Variants in MYOZ3 observed in about 807,000 individuals in gnomAD.
The protein encoded by MYOZ3 is myozenin 3.
In MYOZ3, 19 loss-of-function variants were observed where a neutral mutation model predicts 26.5. That is an observed-to-expected ratio of 0.72 (90% CI 0.50 to 1.05). The LOEUF (loss-of-function observed/expected upper bound fraction) is 1.05, where lower values mean the gene tolerates loss of function less well. Ranked by LOEUF, MYOZ3 falls within the 50% of genes least tolerant of loss-of-function variation. The probability of loss-of-function intolerance (pLI) is 0.00; values close to 1 mark genes in which losing one functional copy is unlikely to be tolerated. For synonymous variants in MYOZ3, 135 were observed against 138.8 expected (o/e 0.97, Z 0.19); for missense variants, 322 against 337.1 (o/e 0.96, Z 0.35).
At chr5:150,675,233 T>C (rs78553074) in intron 6 of MYOZ3, among the ~76,000 whole-genome samples, 4 of 131,664 alleles carry the variant, frequency 3.0e-5, no homozygotes, top group African/African-American at 1.3e-4. Flanking sequence ...CGTTTGTGTG[T>C]GTGTGGGGGT....
Position 150,663,473 on chromosome 5 carries a change from G to A in MYOZ3, c.61+471G>A, listed in dbSNP as rs1005285905. On this transcript the variant is annotated intron_variant, in intron 2 of 6. Transcript: ENST00000517768. The stretch of plus-strand genomic sequence containing the variant: ...TGGAGAGAGTGGAGTAGGGTGGGAA[G>A]ACAGGGGAGTCGAGAGAGTGGAGCA... 7.2e-5 allele frequency among the ~76,000 whole-genome samples: 11 copies of A among 152,172 alleles called. 1 individual carries two copies. The highest frequency in any genetic ancestry group is 2.9e-5 in the Non-Finnish European group (2 of 68,042).
chr5:150,667,441 T>C (rs1432510111), intron 2 of MYOZ3, among the ~76,000 whole-genome samples: 1 of 152,128 alleles, frequency 6.6e-6, no homozygotes, highest in East Asian at 1.9e-4. Flanking sequence ...GTGTTTGTGG[T>C]TTTCCTTTCT....
At chr5:150,663,144 T>C in intron 2 of MYOZ3, 142 bp downstream of exon 2, 1 of 657,660 alleles carries the variant, frequency 1.5e-6, no homozygotes. Context: ...CCTGTAGAAT[T>C]TGCTGCCTAG....
At chr5:150,661,908 C>A (rs189933728) in intron 1 of MYOZ3, among the ~76,000 whole-genome samples, 7 of 152,232 alleles carry the variant, frequency 4.6e-5, no homozygotes, top group Admixed American at 4.6e-4. Context: ...ACCCTAAAGC[C>A]CATCCATGGA....
At chr5:150,671,443 G>T in intron 3 of MYOZ3, 154 bp from the exon 4 acceptor site, 1 of 746,186 alleles carries the variant, frequency 1.3e-6, no homozygotes, top group Non-Finnish European at 2.2e-6. Context: ...CAGGCACTGG[G>T]TTTAGCGTTG....
Position 150,677,167 on chromosome 5 carries a change from C to T in MYOZ3, c.*292C>T, listed in dbSNP as rs975465606. The stretch of plus-strand genomic sequence containing the variant: ...GCAACCAGGGCCGGGTGTCGTGGCT[C>T]ACGCCTGTCATCCCAGCACTTTGGG... On this transcript the variant is annotated 3_prime_UTR_variant, in exon 7 of 7. Coordinates refer to ENST00000517768, the MANE Select transcript of MYOZ3 (RefSeq NM_001122853.3). The T allele has an allele frequency of 2.0e-5, 5 of 252,476 alleles. No individual in the cohort carries two copies. Among genetic ancestry groups the T allele is most frequent in the Non-Finnish European group, 3.1e-5 (4 of 130,498 alleles). 15.6% of individuals were successfully genotyped at this position (252,476 alleles called of 1,614,324 possible).
intron 1 of MYOZ3, 21 bp from the exon 2 acceptor site, chr5:150,662,920 A>G (rs1432995191): frequency 6.2e-7 from 1 of 1,607,960 alleles, no homozygotes; most frequent in African/African-American, 1.3e-5. Context: ...TGGTCCATTT[A>G]TGGGGGTCTC....
intron 3 of MYOZ3, chr5:150,670,886 CAAAAAAAA>C (rs61577179): frequency 5.9e-5 from 4 of 67,802 alleles, no homozygotes; most frequent in South Asian, 1.2e-3. Flanking sequence ...TGGCTCCTAC[CAAAAAAAA>C]AAAAAAAAAA....
rs1484230508 is a variant in MYOZ3 at position 150,672,393 on chromosome 5, A to G, written c.478A>G (p.Ile160Val). ...GCCAGAGAAGTTCAACCACACCGCC[A>G]TCTCCAAGGGCTACCGCTGCCCTTG... ...VPPEKFNHTA[I>V]SKGYRCPWQE... The change falls in exon 6 of 7, where the codon ATC (isoleucine) becomes GTC (valine). Residue 160 changes from isoleucine to valine, a missense_variant. Coordinates refer to ENST00000517768, the MANE Select transcript of MYOZ3 (RefSeq NM_001122853.3). The G allele has an allele frequency of 6.2e-7, 1 of 1,613,320 alleles. No homozygotes were observed. The highest frequency in any genetic ancestry group is 8.5e-7 in the Non-Finnish European group (1 of 1,179,784).
chr5:150,661,956 G>A (rs1171726986), intron 1 of MYOZ3, among the ~76,000 whole-genome samples: 2 of 152,192 alleles, frequency 1.3e-5, no homozygotes, highest in Admixed American at 6.5e-5. Flanking sequence ...TGTTACAGAT[G>A]GGGGAACTGA....
intron 1 of MYOZ3, among the ~76,000 whole-genome samples, chr5:150,662,621 G>T (rs1021502166): frequency 3.9e-5 from 6 of 152,284 alleles, no homozygotes; most frequent in African/African-American, 1.4e-4. Context: ...CCACCCGGAT[G>T]CCCCTGGCAC....
Position 150,672,754 on chromosome 5 carries a change from A to G in MYOZ3, c.587+252A>G, listed in dbSNP as rs546391901. 1.7e-5 allele frequency: 8 copies of G among 480,676 alleles called. No individual in the cohort carries two copies. The South Asian group carries it at 2.7e-4, about 16-fold the overall frequency. The allele number at this position is 480,676 out of a possible 1,614,324, so 29.8% of individuals were successfully genotyped here. On this transcript the variant is annotated intron_variant, in intron 6 of 6. Coordinates refer to ENST00000517768, the MANE Select transcript of MYOZ3 (RefSeq NM_001122853.3). ...CTCCAGGACATGGTGGGCGGGTGCT[A>G]TGAGTTTTCCTGTTCTGCAGATGAA...
In MYOZ3 at chr5:150,672,402, G is replaced by A. The variant is rs1395884248; in HGVS notation, c.487G>A (p.Gly163Ser). The A allele has an allele frequency of 6.2e-7, 1 of 1,613,560 alleles. No individual in the cohort carries two copies. The highest frequency in any genetic ancestry group is 8.5e-7 in the Non-Finnish European group (1 of 1,179,814). Residue 163 changes from glycine to serine, a missense_variant, in exon 6 of 7, where the codon GGC becomes AGC. Physicochemically the swap from Gly to Ser is moderately conservative, Grantham distance 56 (BLOSUM62 0). Coordinates refer to ENST00000517768, the MANE Select transcript of MYOZ3 (RefSeq NM_001122853.3). ...GTTCAACCACACCGCCATCTCCAAG[G>A]GCTACCGCTGCCCTTGGCAGGAGTT... Reference protein sequence around the residue: ...EKFNHTAISKGYRCPWQEFVS... With the variant: ...EKFNHTAISKSYRCPWQEFVS...
intron 6 of MYOZ3, among the ~76,000 whole-genome samples, chr5:150,674,721 AC>A (rs1758976503): frequency 6.6e-6 from 1 of 152,248 alleles, no homozygotes; most frequent in Admixed American, 6.5e-5. Context: ...AAATTAAGAA[AC>A]AGTATTAAGG....
intron 2 of MYOZ3, among the ~76,000 whole-genome samples, chr5:150,668,789 TC>T (rs1758846881): frequency 6.6e-6 from 1 of 152,228 alleles, no homozygotes; most frequent in South Asian, 2.1e-4. Context: ...GGGATGGGTC[TC>T]AAACTACTAA....
intron 2 of MYOZ3, 121 bp from the exon 3 acceptor site, chr5:150,670,363 G>A (rs1323130669): frequency 1.8e-6 from 2 of 1,132,324 alleles, no homozygotes; most frequent in Non-Finnish European, 2.3e-6. Context: ...ATGACACCCG[G>A]TGTCGGCAAG....
rs1758921695 is a variant in MYOZ3 at position 150,671,903 on chromosome 5, C to A, written c.419C>A (p.Ala140Glu). 3.2e-6 allele frequency: 5 copies of A among 1,543,848 alleles called. No individual in the cohort carries two copies. The highest frequency in any genetic ancestry group is 4.3e-6 in the Non-Finnish European group (5 of 1,151,412). Residue 140 changes from alanine (A) to glutamate (E), a missense_variant, in exon 5 of 7, where the codon GCG (alanine) becomes GAG (glutamate). Physicochemically the swap from Ala to Glu is moderately radical, Grantham distance 107. Coordinates refer to ENST00000517768, the MANE Select transcript of MYOZ3 (RefSeq NM_001122853.3). ...TGCGTCCCCAGCCCCAGCGCCCTGG[C>A]GCCAGGTGAGTGGCCTCCTCGGGTC... ...AGCVPSPSAL[A>E]PGYAEPLKGV...
At position 150,671,609 on chromosome 5, in the gene MYOZ3, A is replaced by C. The variant is rs139027423; in HGVS notation, c.229A>C (p.Ser77Arg). Residue 77 changes from serine (S) to arginine (R), a missense_variant, in exon 4 of 7, where the codon AGC (serine) becomes CGC (arginine). Transcript: ENST00000517768. Reference protein sequence around the residue: ...AASQRAMLAGSARRKVTGTAE... With the variant: ...AASQRAMLAGRARRKVTGTAE... ...CCCTCGTTCCCAGATGCTGGCCGGA[A>C]GCGCCAGGAGGAAGGTGACTGGAAC... 1.5e-4 allele frequency: 244 copies of C among 1,613,786 alleles called. No homozygotes were observed. The African/African-American group carries it at 2.7e-3, about 18-fold the overall frequency.
chr5:150,666,973 G>A (rs1758820789), intron 2 of MYOZ3, among the ~76,000 whole-genome samples: 1 of 151,994 alleles, frequency 6.6e-6, no homozygotes, highest in South Asian at 2.1e-4. Flanking sequence ...TGGCCAGGTT[G>A]GTCTTGAACT....
Sources: gnomAD v4.1 joint callset for allele counts (sites outside exome capture counted in the v4.1 genomes callset) on GRCh38, gnomAD v4.1.1 for gene constraint, MANE v1.5 for transcripts, NCBI Gene and HGNC (gene_info 2026-07-23, HGNC 2026-07-21) for gene names.